Variants in C12orf54 observed in about 807,000 individuals in gnomAD.
The protein encoded by C12orf54 is chromosome 12 open reading frame 54.
C12orf54 carries 24 observed loss-of-function variants against 26.4 expected under a neutral mutation model. That is an observed-to-expected ratio of 0.91 (90% CI 0.66 to 1.28). The LOEUF (loss-of-function observed/expected upper bound fraction) is 1.28. Among genes scored for constraint, C12orf54 ranks in the 50% most tolerant of loss-of-function variants. The pLI is 0.00. For missense variants in C12orf54, 154 were observed against 150.9 expected (o/e 1.02, Z -0.11); for synonymous variants, 54 against 47.0 (o/e 1.15, Z -0.61).
At chr12:48,418,215 T>C in the C12orf54 span, among the ~76,000 whole-genome samples, 1 of 152,144 alleles carries the variant, frequency 6.6e-6, no homozygotes, top group Non-Finnish European at 1.5e-5. Context: ...AAGCAAAGCA[T>C]GTATAAAATG....
At chr12:48,418,012 C>A in the C12orf54 span, among the ~76,000 whole-genome samples, 1 of 151,986 alleles carries the variant, frequency 6.6e-6, no homozygotes, top group Non-Finnish European at 1.5e-5. Flanking sequence ...GATTCCATGT[C>A]TTTGCTAGAA....
At chr12:48,431,092 A>C in the C12orf54 span, among the ~76,000 whole-genome samples, 1 of 152,170 alleles carries the variant, frequency 6.6e-6, no homozygotes, top group African/African-American at 2.4e-5. Context: ...GTGGGACCTA[A>C]GCTATGAGGA....
the C12orf54 span, among the ~76,000 whole-genome samples, chr12:48,449,486 C>A: frequency 2.0e-5 from 3 of 152,108 alleles, no homozygotes; most frequent in African/African-American, 4.8e-5. Context: ...GGTTTGTAGG[C>A]CATGACTCCC....
chr12:48,428,111 T>G, the C12orf54 span, among the ~76,000 whole-genome samples: 3 of 152,018 alleles, frequency 2.0e-5, no homozygotes, highest in Admixed American at 1.3e-4. Flanking sequence ...ATTTAAAAAT[T>G]CTTCGAACTG....
the C12orf54 span, among the ~76,000 whole-genome samples, chr12:48,433,433 T>C: frequency 2.9e-5 from 4 of 139,512 alleles, 1 homozygote; most frequent in Non-Finnish European, 6.1e-5. Context: ...AAAGTACAGT[T>C]ACTGTGCAAC....
the C12orf54 span, among the ~76,000 whole-genome samples, chr12:48,438,484 AC>A: frequency 6.6e-6 from 1 of 152,270 alleles, no homozygotes; most frequent in Non-Finnish European, 1.5e-5. Flanking sequence ...TGGAGGCATC[AC>A]GCTACCTGAC....
At chr12:48,425,473 G>A in the C12orf54 span, among the ~76,000 whole-genome samples, 2 of 152,016 alleles carry the variant, frequency 1.3e-5, no homozygotes, top group African/African-American at 4.8e-5. Flanking sequence ...TATCCAATCT[G>A]TCATTGATGC....
At chr12:48,466,269 C>T in the C12orf54 span, among the ~76,000 whole-genome samples, 1 of 152,070 alleles carries the variant, frequency 6.6e-6, no homozygotes, top group African/African-American at 2.4e-5. Flanking sequence ...TGGGACTGGA[C>T]GTGGTGGCTC....
chr12:48,433,679 C>T, the C12orf54 span, among the ~76,000 whole-genome samples: 1 of 152,106 alleles, frequency 6.6e-6, no homozygotes, highest in Non-Finnish European at 1.5e-5. Context: ...GATCTCTTGA[C>T]CTTGTGATCT....
chr12:48,485,009 T>A (rs2705123), intron 2 of C12orf54, among the ~76,000 whole-genome samples: 2 of 152,168 alleles, frequency 1.3e-5, no homozygotes, highest in Non-Finnish European at 2.9e-5. Flanking sequence ...TCAATGCTAT[T>A]AATGTTCATC....
chr12:48,443,095 C>G, the C12orf54 span: 1 of 152,210 alleles, frequency 6.6e-6, no homozygotes, highest in Non-Finnish European at 1.5e-5. Context: ...TGATAAACTA[C>G]TCTGTCCCTA....
chr12:48,494,364 A>T (rs1937865051), intron 7 of C12orf54, among the ~76,000 whole-genome samples: 1 of 152,116 alleles, frequency 6.6e-6, no homozygotes. Context: ...TTTTAAAGAG[A>T]TGGATTCTTA....
chr12:48,430,830 A>G, the C12orf54 span, among the ~76,000 whole-genome samples: 1 of 152,234 alleles, frequency 6.6e-6, no homozygotes, highest in East Asian at 1.9e-4. Flanking sequence ...TCATTACACA[A>G]AAAAGATACT....
the C12orf54 span, among the ~76,000 whole-genome samples, chr12:48,447,129 T>C: frequency 2.2e-4 from 33 of 152,304 alleles, no homozygotes; most frequent in Admixed American, 7.2e-4. Flanking sequence ...TACACTGTCT[T>C]CTGTCTTCTT....
At chr12:48,450,293 A>G in the C12orf54 span, among the ~76,000 whole-genome samples, 1 of 152,196 alleles carries the variant, frequency 6.6e-6, no homozygotes, top group African/African-American at 2.4e-5. Flanking sequence ...AGTGAGCACA[A>G]AAGATACAAC....
chr12:48,472,417 C>T, the C12orf54 span, among the ~76,000 whole-genome samples: 1 of 152,120 alleles, frequency 6.6e-6, no homozygotes, highest in African/African-American at 2.4e-5. Flanking sequence ...ACAGCCAATA[C>T]ATCTATCTGA....
chr12:48,440,885 A>G, the C12orf54 span, among the ~76,000 whole-genome samples: 3 of 152,226 alleles, frequency 2.0e-5, no homozygotes, highest in African/African-American at 4.8e-5. Flanking sequence ...AAAATAAAAT[A>G]AGATAACAAT....
chr12:48,477,150 G>A, the C12orf54 span, among the ~76,000 whole-genome samples: 6 of 152,080 alleles, frequency 3.9e-5, no homozygotes, highest in Non-Finnish European at 7.4e-5. Flanking sequence ...GTGACTACTG[G>A]GTAAATAATG....
the C12orf54 span, among the ~76,000 whole-genome samples, chr12:48,460,288 T>C: frequency 7.2e-5 from 11 of 151,956 alleles, no homozygotes; most frequent in African/African-American, 2.4e-4. Context: ...TACTAAAAAA[T>C]GAAGAAATGT....
Sources: gnomAD v4.1 joint callset for allele counts (sites outside exome capture counted in the v4.1 genomes callset) on GRCh38, gnomAD v4.1.1 for gene constraint, MANE v1.5 for transcripts, NCBI Gene and HGNC (gene_info 2026-07-23, HGNC 2026-07-21) for gene names.